Variants in GABBR2 observed in about 807,000 individuals in gnomAD.
GABBR2 encodes gamma-aminobutyric acid type B receptor subunit 2, also known as G-protein coupled receptor 51.
Under a neutral mutation model 105.6 loss-of-function variants are expected in GABBR2, and 23 were observed. The observed-to-expected ratio is 0.22, with a 90% confidence interval of 0.16 to 0.31. The LOEUF (loss-of-function observed/expected upper bound fraction) is 0.31. Ranked by LOEUF, GABBR2 falls within the 10% of genes least tolerant of loss-of-function variation. GABBR2 has a pLI of 1.00. For missense variants in GABBR2, 734 were observed against 1,245.5 expected (o/e 0.59, Z 6.18); for synonymous variants, 478 against 499.7 (o/e 0.96, Z 0.58).
intron 11 of GABBR2, among the ~76,000 whole-genome samples, chr9:98,371,870 AGATGCT>A (rs771556843): frequency 1.8e-4 from 25 of 136,848 alleles, no homozygotes; most frequent in Admixed American, 4.1e-4. Flanking sequence ...AGGACTGCTG[AGATGCT>A]GAGATACCAC....
At chr9:98,684,815 T>C (rs1255393291) in intron 1 of GABBR2, among the ~76,000 whole-genome samples, 1 of 152,188 alleles carries the variant, frequency 6.6e-6, no homozygotes, top group Non-Finnish European at 1.5e-5. Context: ...GTCAGCGCAA[T>C]GGACTCTGCT....
intron 7 of GABBR2, among the ~76,000 whole-genome samples, chr9:98,446,388 A>C (rs376949999): frequency 2.0e-5 from 3 of 152,374 alleles, no homozygotes; most frequent in Admixed American, 6.5e-5. Context: ...AAACTGAGGC[A>C]CAGAGATGTA....
At chr9:98,600,191 A>T (rs1219723585) in intron 1 of GABBR2, among the ~76,000 whole-genome samples, 2 of 152,170 alleles carry the variant, frequency 1.3e-5, no homozygotes, top group Non-Finnish European at 2.9e-5. Context: ...TTCCAGGCAC[A>T]TCTGCAGGAA....
At chr9:98,429,810 T>C (rs1297128855) in intron 7 of GABBR2, among the ~76,000 whole-genome samples, 1 of 152,200 alleles carries the variant, frequency 6.6e-6, no homozygotes, top group African/African-American at 2.4e-5. Flanking sequence ...ACAGTCCTTT[T>C]AAGTAGCTTA....
intron 7 of GABBR2, among the ~76,000 whole-genome samples, chr9:98,434,016 T>A (rs910819080): frequency 6.6e-6 from 1 of 152,162 alleles, no homozygotes; most frequent in African/African-American, 2.4e-5. Context: ...GATTAACATC[T>A]GAGTCTGGGA....
intron 10 of GABBR2, among the ~76,000 whole-genome samples, chr9:98,386,359 C>T (rs1832072693): frequency 6.6e-6 from 1 of 152,096 alleles, no homozygotes; most frequent in African/African-American, 2.4e-5. Flanking sequence ...GGAGGCCTAA[C>T]TGTGAGTCTC....
chr9:98,663,421 G>T (rs930245164), intron 1 of GABBR2, among the ~76,000 whole-genome samples: 1 of 152,134 alleles, frequency 6.6e-6, no homozygotes, highest in South Asian at 2.1e-4. Context: ...ATACTAAAAG[G>T]CCAGACAGCA....
chr9:98,698,670 T>G (rs1830788676), intron 1 of GABBR2, among the ~76,000 whole-genome samples: 1 of 152,090 alleles, frequency 6.6e-6, no homozygotes, highest in African/African-American at 2.4e-5. Context: ...CAGCTAATTT[T>G]TGTATTTTTA....
rs527767870 is a variant in GABBR2 at position 98,300,101 on chromosome 9, C to T, written c.2413-748G>A. ...CTGGTCTTGAACTCCTGAGCTCAAG[C>T]AATCCTCCCACTTTGGCCTCCCAAA... On this transcript the variant is annotated intron_variant, in intron 16 of 18. Transcript: ENST00000259455. Among the ~76,000 whole-genome samples the T allele has an allele frequency of 1.3e-4, 19 of 151,788 alleles. No homozygotes were observed. The South Asian group carries it at 4.0e-3, about 32-fold the overall frequency.
chr9:98,630,635 G>T (rs371634475), intron 1 of GABBR2, among the ~76,000 whole-genome samples: 6 of 152,216 alleles, frequency 3.9e-5, no homozygotes, highest in South Asian at 4.1e-4. Context: ...GAAGCAAAGA[G>T]AATTTGTTTA....
chr9:98,649,854 G>C (rs1830080530), intron 1 of GABBR2, among the ~76,000 whole-genome samples: 1 of 152,234 alleles, frequency 6.6e-6, no homozygotes, highest in South Asian at 2.1e-4. Context: ...ATTGGGAAGA[G>C]AGAGGTGGCC....
intron 12 of GABBR2, among the ~76,000 whole-genome samples, chr9:98,368,986 G>C (rs1388570051): frequency 6.6e-6 from 1 of 152,212 alleles, no homozygotes; most frequent in East Asian, 1.9e-4. Context: ...CTAGACCACA[G>C]GTCCCCAACT....
intron 13 of GABBR2, among the ~76,000 whole-genome samples, chr9:98,334,596 T>C (rs1831082598): frequency 7.2e-6 from 1 of 138,310 alleles, no homozygotes; most frequent in Non-Finnish European, 1.5e-5. Context: ...TGCTTGCATG[T>C]GAGTAGGGTA....
At chr9:98,575,193 C>T (rs1457396702) in intron 2 of GABBR2, among the ~76,000 whole-genome samples, 2 of 152,118 alleles carry the variant, frequency 1.3e-5, no homozygotes, top group Non-Finnish European at 2.9e-5. Flanking sequence ...AAGTGATAGG[C>T]TTTCTAGGGC....
chr9:98,290,318 C>T lies in GABBR2; in HGVS notation c.*266G>A, dbSNP rs189726836. 4.2e-6 allele frequency: 1 copy of T among 237,322 alleles called. No homozygotes were observed. Among genetic ancestry groups the T allele is most frequent in the East Asian group, 7.9e-5 (1 of 12,608 alleles). 14.7% of individuals were successfully genotyped at this position (237,322 alleles called of 1,614,324 possible). ...TTGCAAGTTTGATATCCCAGCGCCTCCTTGTTTGCAGATGTTAAGGAAGAC... is the reference window on the plus strand; with the variant it reads ...TTGCAAGTTTGATATCCCAGCGCCTTCTTGTTTGCAGATGTTAAGGAAGAC... On this transcript the variant is annotated 3_prime_UTR_variant, in exon 19 of 19. Transcript: ENST00000259455.
At position 98,513,592 on chromosome 9, in the gene GABBR2, C is replaced by T. The variant is rs1420871365; in HGVS notation, c.631-17078G>A. Among the ~76,000 whole-genome samples, 78 of 151,424 alleles carry T rather than the reference C, an allele frequency of 5.2e-4. No individual in the cohort carries two copies. The Middle Eastern group carries it at 0.01, about 20-fold the overall frequency. On this transcript the variant is annotated intron_variant, in intron 3 of 18. Transcript: ENST00000259455. ...ACAAACAACCCCATCAAAAAGTGGG[C>T]GAAGGATATGAACAGACACTTCTCA...
At chr9:98,451,641 C>T (rs149668654) in intron 7 of GABBR2, among the ~76,000 whole-genome samples, 162 of 150,534 alleles carry the variant, frequency 1.1e-3, no homozygotes, top group Non-Finnish European at 1.9e-3. Context: ...TTAATGGGCC[C>T]ATGTGGGGCC....
At chr9:98,620,247 T>TTCTCTCTCTCTCTCTCTCTCTCTC (rs112127893) in intron 1 of GABBR2, among the ~76,000 whole-genome samples, 2 of 146,508 alleles carry the variant, frequency 1.4e-5, no homozygotes, top group Non-Finnish European at 3.0e-5. Context: ...TTTTCTCTCT[T>TTCTCTCTCTCTCTCTCTCTCTCTC]TCTCTCTCTC....
intron 13 of GABBR2, among the ~76,000 whole-genome samples, chr9:98,359,243 C>T (rs540364714): frequency 3.9e-4 from 60 of 152,130 alleles, no homozygotes; most frequent in Middle Eastern, 3.4e-3. Flanking sequence ...GCCTGGACAA[C>T]ACGGTGAAAG....
Sources: gnomAD v4.1 joint callset for allele counts (sites outside exome capture counted in the v4.1 genomes callset) on GRCh38, gnomAD v4.1.1 for gene constraint, MANE v1.5 for transcripts, NCBI Gene and HGNC (gene_info 2026-07-23, HGNC 2026-07-21) for gene names.